The following FER variants were observed in gnomAD, a reference collection of about 807,000 sequenced individuals.
FER encodes tyrosine-protein kinase Fer.
FER carries 63 observed loss-of-function variants against 111.0 expected under a neutral mutation model. The ratio of observed to expected loss-of-function variants is 0.57; its 90% CI spans 0.46 to 0.70. The LOEUF (loss-of-function observed/expected upper bound fraction) is 0.70, where lower values mean the gene tolerates loss of function less well. FER is among the 30% of genes least tolerant of loss of function. The probability of loss-of-function intolerance (pLI) is 0.00; values close to 1 mark genes in which losing one functional copy is unlikely to be tolerated. For synonymous variants in FER, 327 were observed against 313.9 expected (o/e 1.04, Z -0.44); for missense variants, 914 against 954.0 (o/e 0.96, Z 0.55).
At chr5:109,016,860 T>G (rs1185311821) in intron 13 of FER, among the ~76,000 whole-genome samples, 1 of 151,994 alleles carries the variant, frequency 6.6e-6, no homozygotes, top group Non-Finnish European at 1.5e-5. Flanking sequence ...TAATTAAGGT[T>G]AAATAAGGTT....
chr5:109,035,468 G>GT (rs748491603), intron 13 of FER, among the ~76,000 whole-genome samples: 21 of 152,308 alleles, frequency 1.4e-4, no homozygotes, highest in Admixed American at 9.8e-4. Context: ...TGCATCTGTA[G>GT]TAAGTTCCTT....
chr5:109,107,917 A>G (rs2150081847), intron 17 of FER, among the ~76,000 whole-genome samples: 1 of 152,258 alleles, frequency 6.6e-6, no homozygotes, highest in African/African-American at 2.4e-5. Context: ...TTTGAGCTCA[A>G]ATTTCAAATT....
intron 13 of FER, among the ~76,000 whole-genome samples, chr5:109,008,924 C>T (rs758813457): frequency 6.6e-6 from 1 of 151,980 alleles, no homozygotes; most frequent in Admixed American, 6.6e-5. Flanking sequence ...GAGCCAAGAT[C>T]GTGCCGTTGC....
At chr5:109,018,641 A>G (rs572496019) in intron 13 of FER, among the ~76,000 whole-genome samples, 1 of 151,750 alleles carries the variant, frequency 6.6e-6, no homozygotes, top group Admixed American at 6.6e-5. Context: ...TGTAGATGTT[A>G]ATGGAATCAT....
Position 109,069,016 on chromosome 5 carries a change from G to T in FER, c.1924+21818G>T, listed in dbSNP as rs1336051907. On this transcript the variant is annotated intron_variant, in intron 16 of 19. Transcript: ENST00000281092. ...AACTAACTAATTAAAAAATTAATCTGGGGGCCTTCATTTTTTTTTCTTCCT... is the reference window on the plus strand; with the variant it reads ...AACTAACTAATTAAAAAATTAATCTTGGGGCCTTCATTTTTTTTTCTTCCT... Among the ~76,000 whole-genome samples the T allele has an allele frequency of 2.0e-5, 3 of 151,470 alleles. No individual in the cohort carries two copies. The East Asian group carries it at 5.8e-4, about 29-fold the overall frequency.
intron 9 of FER, among the ~76,000 whole-genome samples, chr5:108,893,047 A>C (rs1033177928): frequency 7.0e-4 from 106 of 152,294 alleles, no homozygotes; most frequent in African/African-American, 2.2e-3. Context: ...TGGTACCAGT[A>C]CCATGCTGTT....
chr5:108,823,444 T>C (rs1216811132), intron 3 of FER, among the ~76,000 whole-genome samples: 1 of 152,212 alleles, frequency 6.6e-6, no homozygotes, highest in African/African-American at 2.4e-5. Context: ...TCAACACTTA[T>C]CTTTTGTCTT....
intron 10 of FER, among the ~76,000 whole-genome samples, chr5:108,909,930 A>T (rs954398602): frequency 1.3e-5 from 2 of 151,824 alleles, no homozygotes; most frequent in African/African-American, 4.8e-5. Flanking sequence ...AAATATTTTT[A>T]AAAAGCCACA....
At chr5:109,053,876 A>G (rs1337269223) in intron 16 of FER, among the ~76,000 whole-genome samples, 1 of 151,572 alleles carries the variant, frequency 6.6e-6, no homozygotes, top group Non-Finnish European at 1.5e-5. Flanking sequence ...TATTTTTAGT[A>G]CTGACGGGGT....
chr5:109,021,873 G>T (rs1445198468), intron 13 of FER, among the ~76,000 whole-genome samples: 4 of 151,986 alleles, frequency 2.6e-5, no homozygotes, highest in African/African-American at 9.7e-5. Flanking sequence ...AATACCTACC[G>T]CATGTTAAGC....
At chr5:108,929,058 T>TA (rs1308653184) in intron 10 of FER, among the ~76,000 whole-genome samples, 2 of 152,116 alleles carry the variant, frequency 1.3e-5, no homozygotes, top group African/African-American at 4.8e-5. Flanking sequence ...TACCCCCAGA[T>TA]ATAGACTGTA....
At chr5:109,073,407 G>A (rs956017725) in intron 16 of FER, among the ~76,000 whole-genome samples, 3 of 152,012 alleles carry the variant, frequency 2.0e-5, no homozygotes, top group African/African-American at 4.8e-5. Flanking sequence ...CATATAGTCC[G>A]TCATAATTTA....
At chr5:108,938,210 G>T (rs1755784863) in intron 10 of FER, among the ~76,000 whole-genome samples, 1 of 151,786 alleles carries the variant, frequency 6.6e-6, no homozygotes, top group Non-Finnish European at 1.5e-5. Context: ...AAGTAGAGTG[G>T]TAATCCTAAG....
intron 10 of FER, among the ~76,000 whole-genome samples, chr5:108,912,336 T>C (rs1379950527): frequency 6.6e-6 from 1 of 152,164 alleles, no homozygotes. Flanking sequence ...CTAAAGGGTT[T>C]ACCTTGTCTG....
At chr5:108,759,888 A>G (rs1751531141) in intron 1 of FER, among the ~76,000 whole-genome samples, 1 of 152,248 alleles carries the variant, frequency 6.6e-6, no homozygotes, top group Admixed American at 6.5e-5. Flanking sequence ...TATGGAGAGC[A>G]CACATTCAAA....
intron 4 of FER, among the ~76,000 whole-genome samples, chr5:108,834,257 C>T (rs983738038): frequency 1.1e-4 from 17 of 152,052 alleles, no homozygotes; most frequent in African/African-American, 4.1e-4. Context: ...AAGATTCTGG[C>T]TGCATATTTT....
intron 10 of FER, among the ~76,000 whole-genome samples, chr5:108,900,975 G>T (rs2150336748): frequency 6.6e-6 from 1 of 152,158 alleles, no homozygotes; most frequent in South Asian, 2.1e-4. Context: ...TTAAGAGGTG[G>T]GACCTTTGAG....
intron 13 of FER, among the ~76,000 whole-genome samples, chr5:109,000,616 A>G (rs1764640449): frequency 6.6e-6 from 1 of 152,158 alleles, no homozygotes; most frequent in Non-Finnish European, 1.5e-5. Context: ...GAGCAAACAC[A>G]TTCAAAAGCT....
rs1753412094 is a variant in FER, at chr5:108,924,168, C to A, written c.1237-21962C>A. 2.0e-5 allele frequency among the ~76,000 whole-genome samples: 3 copies of A among 151,804 alleles called. 1 individual carries two copies. In the South Asian group the frequency reaches 6.2e-4, roughly 32 times the overall value. ...GGTCAGGAGTTCGAGACTAGCCTGG[C>A]CAACATGGTAAAACCCCGTCTCTAC... On this transcript the variant is annotated intron_variant, in intron 10 of 19. Coordinates refer to ENST00000281092, the MANE Select transcript of FER (RefSeq NM_005246.4).
Sources: gnomAD v4.1 joint callset for allele counts (sites outside exome capture counted in the v4.1 genomes callset) on GRCh38, gnomAD v4.1.1 for gene constraint, MANE v1.5 for transcripts, NCBI Gene and HGNC (gene_info 2026-07-23, HGNC 2026-07-21) for gene names.